The following SH3RF2 variants were observed in gnomAD, a reference collection of about 807,000 sequenced individuals.
SH3RF2 encodes the protein E3 ubiquitin-protein ligase SH3RF2.
Under a neutral mutation model 59.0 loss-of-function variants are expected in SH3RF2, and 43 were observed. That is an observed-to-expected ratio of 0.73 (90% CI 0.57 to 0.94). The LOEUF is 0.94. Among genes scored for constraint, SH3RF2 ranks in the 40% least tolerant of loss-of-function variants. The pLI is 0.00. For synonymous variants in SH3RF2, 391 were observed against 391.5 expected, an observed-to-expected ratio of 1.00 and a Z score of 0.01; for missense variants, 930 against 940.1, an observed-to-expected ratio of 0.99 and a Z score of 0.14.
chr5:146,067,519 G>A (rs937250199), downstream of SH3RF2, among the ~76,000 whole-genome samples: 1 of 152,210 alleles, frequency 6.6e-6, no homozygotes, highest in Non-Finnish European at 1.5e-5. Flanking sequence ...ACTTAGGAGT[G>A]TAGTAAGCCT....
chr5:146,042,950 C>T (rs1388196549), intron 5 of SH3RF2: 4 of 152,314 alleles, frequency 2.6e-5, no homozygotes, highest in African/African-American at 4.8e-5. Flanking sequence ...ACCTCCCATC[C>T]AGCCTCACAA....
intron 2 of SH3RF2, among the ~76,000 whole-genome samples, chr5:145,982,614 C>A (rs572842475): frequency 2.0e-5 from 3 of 152,216 alleles, no homozygotes; most frequent in Non-Finnish European, 4.4e-5. Flanking sequence ...TTCCTTCTCA[C>A]AATACTTATT....
At chr5:146,060,725 GGGCAACTGA>G (rs981536741) in intron 9 of SH3RF2, among the ~76,000 whole-genome samples, 1 of 152,148 alleles carries the variant, frequency 6.6e-6, no homozygotes, top group African/African-American at 2.4e-5. Context: ...TGTATAAAAG[GGGCAACTGA>G]GGCACAGGAT....
At chr5:146,019,441 G>T (rs1253687421) in intron 5 of SH3RF2, among the ~76,000 whole-genome samples, 3 of 151,958 alleles carry the variant, frequency 2.0e-5, no homozygotes, top group African/African-American at 2.4e-5. Flanking sequence ...TTTATTTCTG[G>T]GTTCTCTATT....
intron 5 of SH3RF2, among the ~76,000 whole-genome samples, chr5:146,038,081 G>A: frequency 6.6e-6 from 1 of 152,152 alleles, no homozygotes; most frequent in African/African-American, 2.4e-5. Context: ...AGAAAAAAAT[G>A]TGATATTTTC....
chr5:146,070,648 G>A (rs931060646), intron 9 of SH3RF2, among the ~76,000 whole-genome samples: 4 of 152,204 alleles, frequency 2.6e-5, no homozygotes, highest in African/African-American at 9.6e-5. Context: ...CACAAGAAGA[G>A]GGATATGATC....
intron 2 of SH3RF2, among the ~76,000 whole-genome samples, chr5:145,945,556 A>G (rs1294540566): frequency 2.0e-5 from 3 of 152,312 alleles, no homozygotes; most frequent in African/African-American, 4.8e-5. Flanking sequence ...AGATGTTTTA[A>G]AAGTCAGGAA....
chr5:146,064,784 G>GAAAGGAAGGAAGGA (rs70998051), downstream of SH3RF2, among the ~76,000 whole-genome samples: 243 of 37,670 alleles, frequency 6.5e-3, 36 homozygotes, highest in South Asian at 8.3e-3. Context: ...GGAAAGGAAG[G>GAAAGGAAGGAAGGA]AAGGAAGGAA....
At chr5:146,010,110 T>C (rs1003481731) in intron 4 of SH3RF2, among the ~76,000 whole-genome samples, 1 of 151,230 alleles carries the variant, frequency 6.6e-6, no homozygotes, top group Non-Finnish European at 1.5e-5. Flanking sequence ...TTCCCACCTA[T>C]GAGTGAGAAC....
chr5:145,937,458 G>C (rs914746909), intron 1 of SH3RF2, among the ~76,000 whole-genome samples: 1 of 152,196 alleles, frequency 6.6e-6, no homozygotes, highest in African/African-American at 2.4e-5. Context: ...TTCGGAGGGG[G>C]CTTTGTTGTA....
At chr5:146,070,250 G>A (rs908350638) in intron 9 of SH3RF2, among the ~76,000 whole-genome samples, 21 of 152,130 alleles carry the variant, frequency 1.4e-4, no homozygotes, top group African/African-American at 4.6e-4. Context: ...AACTATCAAC[G>A]TGGTTGAGAT....
intron 2 of SH3RF2, chr5:145,997,747 T>A: frequency 6.3e-7 from 1 of 1,578,616 alleles, no homozygotes; most frequent in Non-Finnish European, 8.7e-7. Flanking sequence ...GTTAAATCAT[T>A]GTGGACAAAA....
At chr5:145,947,545 TTTCTC>T (rs984093111) in intron 2 of SH3RF2, among the ~76,000 whole-genome samples, 4 of 152,148 alleles carry the variant, frequency 2.6e-5, no homozygotes. Flanking sequence ...TCCAGGTAGG[TTTCTC>T]TTTTCACATG....
intron 2 of SH3RF2, among the ~76,000 whole-genome samples, chr5:145,961,610 TA>T (rs1758636057): frequency 6.6e-6 from 1 of 152,212 alleles, no homozygotes; most frequent in African/African-American, 2.4e-5. Flanking sequence ...CCATGTTCTA[TA>T]ACCACAGTGG....
At chr5:145,943,174 A>G (rs1342613942) in intron 2 of SH3RF2, among the ~76,000 whole-genome samples, 4 of 151,984 alleles carry the variant, frequency 2.6e-5, no homozygotes, top group Non-Finnish European at 4.4e-5. Flanking sequence ...TGGAAGAGAA[A>G]GTCAGCTGGC....
intron 2 of SH3RF2, among the ~76,000 whole-genome samples, chr5:145,962,245 T>C (rs939014047): frequency 6.6e-6 from 1 of 152,248 alleles, no homozygotes; most frequent in South Asian, 2.1e-4. Context: ...CTGCACCACA[T>C]GGCCTGAGCA....
intron 5 of SH3RF2, among the ~76,000 whole-genome samples, chr5:146,030,176 C>T (rs1580886859): frequency 6.6e-6 from 1 of 152,150 alleles, no homozygotes; most frequent in South Asian, 2.1e-4. Context: ...TTGTGCCTTC[C>T]CCCACTGCCT....
In SH3RF2 at chr5:146,062,614, A is replaced by G. The variant is rs1326050294; in HGVS notation, c.2103A>G (p.Thr701=). Residue 701 remains threonine, a synonymous_variant, in exon 10 of 10, where the codon ACA becomes ACG. Coordinates refer to ENST00000359120, the MANE Select transcript of SH3RF2 (RefSeq NM_152550.4). ...HRSGCHSGQQ[T]DLRRKSALGK... is the part of the protein sequence containing the mutation. ...GTGGCTGCCACTCCGGACAGCAGAC[A>G]GACCTCCGGAGAAAGTCAGCTCTTG... 1.2e-6 allele frequency: 2 copies of G among 1,614,168 alleles called. No homozygotes were observed. Among genetic ancestry groups the G allele is most frequent in the Non-Finnish European group, 1.7e-6 (2 of 1,180,002 alleles).
At chr5:146,064,712 A>G (rs1763025515), downstream of SH3RF2, among the ~76,000 whole-genome samples, 1 of 28,536 alleles carries the variant, frequency 3.5e-5, no homozygotes, top group Non-Finnish European at 7.3e-5. Flanking sequence ...GAAAGAAAGA[A>G]AGAAAGAAAG....
Sources: allele counts gnomAD v4.1 joint callset (sites outside exome capture counted in the v4.1 genomes callset), GRCh38; gene constraint gnomAD v4.1.1; transcripts MANE v1.5; gene names NCBI Gene and HGNC (gene_info 2026-07-23, HGNC 2026-07-21).